Variants in ZBTB46 observed in about 807,000 individuals in gnomAD.
ZBTB46 encodes zinc finger and BTB domain containing 46, also known as zinc finger and BTB domain-containing protein 46.
A neutral mutation model predicts 44.1 loss-of-function variants in ZBTB46; 8 were observed. That is an observed-to-expected ratio of 0.18 (90% CI 0.11 to 0.33). The LOEUF (loss-of-function observed/expected upper bound fraction) is 0.33, where lower values mean the gene tolerates loss of function less well. Ranked by LOEUF, ZBTB46 falls within the 10% of genes least tolerant of loss-of-function variation. ZBTB46 has a pLI of 1.00. For missense variants in ZBTB46, 651 were observed against 847.7 expected (o/e 0.77, Z 2.88); for synonymous variants, 409 against 382.3 (o/e 1.07, Z -0.81).
intron 2 of ZBTB46, among the ~76,000 whole-genome samples, chr20:63,784,445 T>G (rs1045952628): frequency 6.6e-6 from 1 of 152,210 alleles, no homozygotes; most frequent in African/African-American, 2.4e-5. Context: ...AGGGTTCAAG[T>G]ACACACTTCA....
chr20:63,753,649 T>A (rs1456087044), intron 3 of ZBTB46, among the ~76,000 whole-genome samples: 1 of 152,246 alleles, frequency 6.6e-6, no homozygotes, highest in East Asian at 1.9e-4. Context: ...TGAAGCCCGG[T>A]GCACGCATGT....
intron 1 of ZBTB46, among the ~76,000 whole-genome samples, chr20:63,807,443 C>T (rs548424263): frequency 5.3e-5 from 8 of 152,304 alleles, no homozygotes; most frequent in Non-Finnish European, 8.8e-5. Context: ...CTCCCGAGTT[C>T]GAGTGATTCT....
chr20:63,772,368 T>C (rs778577138), intron 3 of ZBTB46, among the ~76,000 whole-genome samples: 1 of 151,960 alleles, frequency 6.6e-6, no homozygotes, highest in Non-Finnish European at 1.5e-5. Flanking sequence ...TTAAGAGAAA[T>C]AACAAAAGAC....
upstream of ZBTB46, chr20:63,831,306 G>GCGCC (rs1555861315): frequency 6.5e-5 from 9 of 137,646 alleles, no homozygotes; most frequent in East Asian, 4.6e-4. Flanking sequence ...CGCCGCCCGC[G>GCGCC]CGCGCGCGCC....
chr20:63,766,372 C>T (rs1311865129), intron 3 of ZBTB46, among the ~76,000 whole-genome samples: 3 of 151,852 alleles, frequency 2.0e-5, no homozygotes, highest in Admixed American at 6.6e-5. Flanking sequence ...CCCGCCACCA[C>T]GCCCAGCTAA....
At chr20:63,748,975 C>G (rs932825) in intron 4 of ZBTB46, among the ~76,000 whole-genome samples, 4 of 152,166 alleles carry the variant, frequency 2.6e-5, no homozygotes, top group Non-Finnish European at 4.4e-5. Flanking sequence ...CGGGCCCTTA[C>G]GTACTTCCTG....
upstream of ZBTB46, among the ~76,000 whole-genome samples, chr20:63,831,754 G>A (rs1305024248): frequency 6.6e-6 from 1 of 151,018 alleles, no homozygotes; most frequent in Admixed American, 6.6e-5. Context: ...GTTCCTCGGG[G>A]GCGCGCGGGT....
At chr20:63,832,109 G>T (rs2092855315), upstream of ZBTB46, among the ~76,000 whole-genome samples, 1 of 151,900 alleles carries the variant, frequency 6.6e-6, no homozygotes, top group African/African-American at 2.4e-5. The surrounding 1 kb of genome is among the most constrained non-coding windows in gnomAD (Gnocchi z 5.0). Flanking sequence ...GCTCCGGGAG[G>T]GGGCGGGAAC....
rs754827821 is a variant in ZBTB46 at position 63,790,084 on chromosome 20, G to A, written c.674C>T (p.Pro225Leu). ...PLWPGDVGYG[P>L]LRIKEEQVSP... ...AACCTGCTCTTCCTTGATGCGCAGAGGCCCGTAGCCCACGTCTCCAGGCCA... is the reference window on the plus strand; with the variant it reads ...AACCTGCTCTTCCTTGATGCGCAGAAGCCCGTAGCCCACGTCTCCAGGCCA... Residue 225 changes from proline (P) to leucine (L), a missense_variant, in exon 2 of 5, where the codon CCT (proline) becomes CTT (leucine). Transcript: ENST00000245663. 10 of 1,614,092 alleles carry A rather than the reference G, an allele frequency of 6.2e-6. No homozygotes were observed. Among genetic ancestry groups the A allele is most frequent in the Non-Finnish European group, 5.9e-6 (7 of 1,180,046 alleles).
chr20:63,748,227 C>T (rs953266533), intron 4 of ZBTB46, among the ~76,000 whole-genome samples: 3 of 152,226 alleles, frequency 2.0e-5, no homozygotes, highest in Non-Finnish European at 2.9e-5. Context: ...GGAGGGCAGT[C>T]GTGCTGTGCC....
Position 63,790,229 on chromosome 20 carries a change from G to A in ZBTB46, c.529C>T (p.Pro177Ser), listed in dbSNP as rs780235417. ...ISPWLARRTS[P>S]ANSSGDSAIA... ...GCCGAGTCTCCGGAAGAATTGGCAGGACTCGTTCGCCGTGCCAGCCACGGG... is the reference window on the plus strand; with the variant it reads ...GCCGAGTCTCCGGAAGAATTGGCAGAACTCGTTCGCCGTGCCAGCCACGGG... Residue 177 changes from proline to serine, a missense_variant, in exon 2 of 5, where the codon CCT becomes TCT. Physicochemically the swap from Pro to Ser is moderately conservative, Grantham distance 74 (BLOSUM62 -1). Coordinates refer to ENST00000245663, the MANE Select transcript of ZBTB46 (RefSeq NM_001369741.1). 6.8e-6 allele frequency: 11 copies of A among 1,611,512 alleles called. No homozygotes were observed. The East Asian group carries it at 2.2e-4, about 33-fold the overall frequency.
intron 1 of ZBTB46, among the ~76,000 whole-genome samples, chr20:63,828,031 C>T (rs1357940564): frequency 6.6e-6 from 1 of 152,260 alleles, no homozygotes; most frequent in Admixed American, 6.5e-5. Flanking sequence ...AGCGGCCCGC[C>T]CGCCTCAGCC....
At chr20:63,780,021 C>A (rs1568860351) in intron 2 of ZBTB46, among the ~76,000 whole-genome samples, 1 of 151,918 alleles carries the variant, frequency 6.6e-6, no homozygotes, top group African/African-American at 2.4e-5. Flanking sequence ...GCCTGTAATC[C>A]CAGCATTTTG....
At chr20:63,763,802 A>T in intron 3 of ZBTB46, among the ~76,000 whole-genome samples, 1 of 152,150 alleles carries the variant, frequency 6.6e-6, no homozygotes, top group East Asian at 1.9e-4. Context: ...ATAAAGAGTC[A>T]GAACCACACG....
intron 3 of ZBTB46, among the ~76,000 whole-genome samples, chr20:63,773,204 C>T (rs1302606433): frequency 1.3e-5 from 2 of 149,764 alleles, no homozygotes; most frequent in Non-Finnish European, 3.0e-5. Flanking sequence ...AAAGCACAAA[C>T]AAATTGTTTC....
intron 2 of ZBTB46, among the ~76,000 whole-genome samples, chr20:63,785,231 A>AAAC (rs2092504479): frequency 7.1e-6 from 1 of 141,052 alleles, no homozygotes; most frequent in Non-Finnish European, 1.5e-5. Flanking sequence ...ACTCAAAAAA[A>AAAC]AAAAAAAAGA....
At chr20:63,809,786 A>C (rs1009464608) in intron 1 of ZBTB46, among the ~76,000 whole-genome samples, 3 of 152,018 alleles carry the variant, frequency 2.0e-5, no homozygotes, top group African/African-American at 7.3e-5. Context: ...ACATGGTGAG[A>C]CCCCATCTCT....
intron 1 of ZBTB46, among the ~76,000 whole-genome samples, chr20:63,791,223 C>T (rs995123409): frequency 1.3e-5 from 2 of 151,988 alleles, no homozygotes; most frequent in South Asian, 2.1e-4. Flanking sequence ...AGGCTGGGCG[C>T]GGTGGCTCAT....
At position 63,803,792 on chromosome 20, in the gene ZBTB46, C is replaced by A. The variant is rs2092664531; in HGVS notation, c.-33-13002G>T. Among the ~76,000 whole-genome samples, 1 of 152,220 alleles carries A rather than the reference C, an allele frequency of 6.6e-6. No individual in the cohort carries two copies. Among genetic ancestry groups the A allele is most frequent in the Admixed American group, 6.5e-5 (1 of 15,292 alleles). Reference sequence around the variant, plus strand: ...GCGCAATCTCGGCTCACTGCAGCCTCAACCTCCCAGGCTCAAGGCATCCTC... The same window carrying A: ...GCGCAATCTCGGCTCACTGCAGCCTAAACCTCCCAGGCTCAAGGCATCCTC... On this transcript the variant is annotated intron_variant, in intron 1 of 4. Coordinates refer to ENST00000245663, the MANE Select transcript of ZBTB46 (RefSeq NM_001369741.1). The surrounding 1 kb of genome is among the most constrained non-coding windows in gnomAD (Gnocchi z 4.0).
Sources: gnomAD v4.1 joint callset for allele counts (sites outside exome capture counted in the v4.1 genomes callset) on GRCh38, gnomAD v4.1.1 for gene constraint, Gnocchi (gnomAD v3.1) non-coding constraint, MANE v1.5 for transcripts, NCBI Gene and HGNC (gene_info 2026-07-23, HGNC 2026-07-21) for gene names.